PDE4D: variants seen among roughly 807,000 people sequenced by gnomAD.
The protein encoded by PDE4D is 3',5'-cyclic-AMP phosphodiesterase 4D.
A neutral mutation model predicts 87.4 loss-of-function variants in PDE4D; 24 were observed. The observed-to-expected ratio is 0.27, with a 90% CI of 0.20 to 0.39. The LOEUF is 0.39. Among genes scored for constraint, PDE4D ranks in the 10% least tolerant of loss-of-function variants. The pLI, the probability that PDE4D is intolerant of heterozygous loss-of-function variation, is 1.00. For synonymous variants in PDE4D, 384 were observed against 383.2 expected, an observed-to-expected ratio of 1.00 and a Z score of -0.02; for missense variants, 714 against 1,041.0, an observed-to-expected ratio of 0.69 and a Z score of 4.32.
At chr5:60,224,939 A>G (rs1562236058) in intron 1 of PDE4D, among the ~76,000 whole-genome samples, 1 of 151,982 alleles carries the variant, frequency 6.6e-6, no homozygotes, top group Non-Finnish European at 1.5e-5. Flanking sequence ...GGCCCAAGAT[A>G]CCACATCATG....
intron 1 of PDE4D, among the ~76,000 whole-genome samples, chr5:60,305,275 A>C (rs1267699135): frequency 6.6e-6 from 1 of 152,174 alleles, no homozygotes; most frequent in Non-Finnish European, 1.5e-5. Context: ...ACAGTGGGTA[A>C]AATGAAAAGG....
chr5:59,433,465 A>C (rs1796390922), intron 1 of PDE4D, among the ~76,000 whole-genome samples: 1 of 152,088 alleles, frequency 6.6e-6, no homozygotes, highest in Non-Finnish European at 1.5e-5. Flanking sequence ...GTGGCCCTTA[A>C]GGGAAGAAAA....
intron 1 of PDE4D, among the ~76,000 whole-genome samples, chr5:60,338,295 G>A (rs1028131692): frequency 3.9e-5 from 6 of 152,156 alleles, no homozygotes; most frequent in Non-Finnish European, 7.3e-5. Context: ...CATCACTAAG[G>A]ACAGAAAATG....
chr5:59,513,713 G>A (rs925456621), intron 1 of PDE4D, among the ~76,000 whole-genome samples: 1 of 152,192 alleles, frequency 6.6e-6, no homozygotes, highest in Non-Finnish European at 1.5e-5. Context: ...TAAAGAGTAA[G>A]TAAGAATTTA....
intron 1 of PDE4D, among the ~76,000 whole-genome samples, chr5:59,594,967 G>T (rs1281345564): frequency 3.9e-5 from 6 of 152,134 alleles, no homozygotes; most frequent in Non-Finnish European, 8.8e-5. Context: ...GGGTGGCTAT[G>T]CATGTGTGGG....
intron 5 of PDE4D, chr5:59,157,261 G>T: frequency 1.4e-6 from 1 of 701,398 alleles, no homozygotes; most frequent in South Asian, 1.5e-5. Context: ...TTTTCAAAGT[G>T]ACTAAACAGC....
intron 1 of PDE4D, among the ~76,000 whole-genome samples, chr5:60,423,128 C>A (rs73108651): frequency 1.3e-5 from 2 of 152,002 alleles, no homozygotes; most frequent in African/African-American, 2.4e-5. Flanking sequence ...AATATTAGAC[C>A]GATCAACCAG....
At position 59,215,891 on chromosome 5, in the gene PDE4D, A is replaced by G; in HGVS notation, c.533T>C (p.Leu178Pro). 6.2e-7 allele frequency: 1 copy of G among 1,613,652 alleles called. No individual in the cohort carries two copies. The highest frequency in any genetic ancestry group is 8.5e-7 in the Non-Finnish European group (1 of 1,179,660). The change falls in exon 2 of 15, where the codon CTC becomes CCC. Residue 178 changes from leucine (L) to proline (P), a missense_variant. Physicochemically the swap from Leu to Pro is moderately conservative, Grantham distance 98. Transcript: ENST00000340635. ...TTGACTGTGGACAAAATTTGCTTGG[A>G]GAATTAGCCCGGATCCTGGGCTGGT... ...PMTSPGSGLI[L>P]QANFVHSQRR...
chr5:59,853,380 A>G (rs1744962722), intron 1 of PDE4D, among the ~76,000 whole-genome samples: 1 of 146,470 alleles, frequency 6.8e-6, no homozygotes, highest in Non-Finnish European at 1.5e-5. Context: ...TCTTAAATGT[A>G]ATTTGTTCTG....
rs111907933 is a variant in PDE4D at position 60,029,730 on chromosome 5, C to T, written c.43-41013G>A. Among the ~76,000 whole-genome samples, 3 of 118,972 alleles carry T rather than the reference C, an allele frequency of 2.5e-5. 1 individual carries two copies. Among genetic ancestry groups the T allele is most frequent in the African/African-American group, 9.8e-5 (3 of 30,460 alleles). 78.1% of individuals were successfully genotyped at this position (118,972 alleles called of 152,430 possible). A position where few individuals can be genotyped will look rare whatever the true frequency, so the allele number is the denominator to read the frequency against. On this transcript the variant is annotated intron_variant, in intron 2 of 16. Transcript: ENST00000502484. ...CACCCGCCACCACCACCCTCTTACCCTTCTGAGTCTCTGTTTGTTCTTCCA... is the reference window on the plus strand; with the variant it reads ...CACCCGCCACCACCACCCTCTTACCTTTCTGAGTCTCTGTTTGTTCTTCCA...
chr5:59,160,964 C>T (rs1019864503), intron 5 of PDE4D, among the ~76,000 whole-genome samples: 3 of 152,056 alleles, frequency 2.0e-5, no homozygotes, highest in Admixed American at 2.0e-4. Context: ...GGCATGGTGA[C>T]GTGTGCCTGT....
At chr5:60,458,873 C>T (rs1464998174) in intron 1 of PDE4D, among the ~76,000 whole-genome samples, 1 of 152,042 alleles carries the variant, frequency 6.6e-6, no homozygotes, top group African/African-American at 2.4e-5. Flanking sequence ...TCAGTGGAGT[C>T]CCTAGCGACA....
At chr5:60,400,184 A>G (rs904517954) in intron 1 of PDE4D, among the ~76,000 whole-genome samples, 5 of 152,212 alleles carry the variant, frequency 3.3e-5, no homozygotes, top group African/African-American at 1.2e-4. Context: ...AGAATGTGGA[A>G]TGGTAAAACA....
chr5:59,363,547 C>T (rs1277291049), intron 1 of PDE4D, among the ~76,000 whole-genome samples: 2 of 152,190 alleles, frequency 1.3e-5, no homozygotes, highest in African/African-American at 4.8e-5. Flanking sequence ...AAGTTTTGAA[C>T]TTTCACAGGA....
At chr5:60,090,016 A>G (rs1328280848) in intron 2 of PDE4D, among the ~76,000 whole-genome samples, 1 of 152,090 alleles carries the variant, frequency 6.6e-6, no homozygotes, top group Non-Finnish European at 1.5e-5. Context: ...ATGAGACTGC[A>G]GTAGTAATAA....
At chr5:60,048,730 G>T (rs2152876467) in intron 2 of PDE4D, among the ~76,000 whole-genome samples, 1 of 152,178 alleles carries the variant, frequency 6.6e-6, no homozygotes, top group South Asian at 2.1e-4. Flanking sequence ...TCTGCTGAGA[G>T]ATCCGCTGTT....
intron 1 of PDE4D, among the ~76,000 whole-genome samples, chr5:59,822,275 C>T (rs187852582): frequency 1.3e-4 from 20 of 152,226 alleles, no homozygotes; most frequent in Admixed American, 1.2e-3. Context: ...TAAATGCAGA[C>T]AATTCTCTTC....
intron 2 of PDE4D, among the ~76,000 whole-genome samples, chr5:59,194,853 TC>T (rs949948925): frequency 6.6e-6 from 1 of 152,158 alleles, no homozygotes; most frequent in African/African-American, 2.4e-5. Context: ...AAAGGTATTT[TC>T]CCATGTTGAT....
intron 1 of PDE4D, among the ~76,000 whole-genome samples, chr5:59,607,982 T>C (rs1302706806): frequency 6.6e-6 from 1 of 152,078 alleles, no homozygotes; most frequent in East Asian, 1.9e-4. Flanking sequence ...GGTTTATTTC[T>C]GTAAGAACAA....
Sources: gnomAD v4.1 joint callset for allele counts (sites outside exome capture counted in the v4.1 genomes callset) on GRCh38, gnomAD v4.1.1 for gene constraint, MANE v1.5 for transcripts, NCBI Gene and HGNC (gene_info 2026-07-23, HGNC 2026-07-21) for gene names.